VAMP7: variants seen among roughly 807,000 people sequenced by gnomAD.
The protein encoded by VAMP7 is vesicle associated membrane protein 7.
A neutral mutation model predicts 29.6 loss-of-function variants in VAMP7; 14 were observed. That is an observed-to-expected ratio of 0.47 (90% CI 0.31 to 0.74). VAMP7 has a LOEUF of 0.74. Ranked by LOEUF, VAMP7 falls within the 30% of genes least tolerant of loss-of-function variation. The pLI is 0.05. For missense variants in VAMP7, 223 were observed against 262.4 expected (o/e 0.85, Z 1.04); for synonymous variants, 95 against 88.1 (o/e 1.08, Z -0.44).
Position 155,898,205 on chromosome X carries a change from T to C in VAMP7, c.298T>C (p.Tyr100His). The change falls in exon 4 of 8, where the codon TAT (tyrosine) becomes CAT (histidine). Residue 100 changes from tyrosine to histidine, a missense_variant. By Grantham distance (83) the Tyr-to-His change is moderately conservative. Transcript: ENST00000286448. Reference protein sequence around the residue: ...YGSRAQTALPYAMNSEFSSVL... With the variant: ...YGSRAQTALPHAMNSEFSSVL... ...TTCAAGAGCACAGACAGCACTTCCATATGCCATGAATAGCGAGTTCTCAAG... is the reference window on the plus strand; with the variant it reads ...TTCAAGAGCACAGACAGCACTTCCACATGCCATGAATAGCGAGTTCTCAAG... 6.2e-7 allele frequency: 1 copy of C among 1,613,662 alleles called. No homozygotes were observed. Among genetic ancestry groups the C allele is most frequent in the Non-Finnish European group, 8.5e-7 (1 of 1,179,654 alleles).
chrX:155,926,556 T>G (rs768058615), intron 6 of VAMP7, among the ~76,000 whole-genome samples: 30 of 152,350 alleles, frequency 2.0e-4, no homozygotes, highest in African/African-American at 7.2e-4. Context: ...ATGTTATAGC[T>G]GGTTTAATCT....
At chrX:155,903,973 A>T (rs1180936088) in intron 5 of VAMP7, among the ~76,000 whole-genome samples, 1 of 152,004 alleles carries the variant, frequency 6.6e-6, no homozygotes, top group African/African-American at 2.4e-5. Flanking sequence ...CAACAATGAT[A>T]GACTGGATTA....
At chrX:155,924,069 G>C (rs1363801064) in intron 6 of VAMP7, among the ~76,000 whole-genome samples, 1 of 152,102 alleles carries the variant, frequency 6.6e-6, no homozygotes, top group Non-Finnish European at 1.5e-5. Context: ...GATAGAGTTA[G>C]GTGTAGGTAT....
chrX:155,914,275 G>A (rs1310651406), intron 5 of VAMP7, among the ~76,000 whole-genome samples: 2 of 152,124 alleles, frequency 1.3e-5, no homozygotes, highest in Non-Finnish European at 2.9e-5. Context: ...AGACAATGGG[G>A]TTTTCTAAAT....
intron 6 of VAMP7, among the ~76,000 whole-genome samples, chrX:155,925,646 G>A (rs989792668): frequency 3.3e-5 from 5 of 152,192 alleles, no homozygotes; most frequent in African/African-American, 7.2e-5. Flanking sequence ...AAGCAAAGGC[G>A]GGAAGGCTCG....
chrX:155,913,626 G>A (rs1276148775), intron 5 of VAMP7, among the ~76,000 whole-genome samples: 3 of 152,126 alleles, frequency 2.0e-5, no homozygotes, highest in Non-Finnish European at 2.9e-5. Context: ...TTATTAAATA[G>A]GGAATCCTTT....
Position 155,928,366 on chromosome X carries a change from G to A in VAMP7, c.501+8486G>A, listed in dbSNP as rs993871768. ...AAAAATTTATTTTCTCCCACTACTG[G>A]ATTTCAGAAGTTCAAAATCAGTTTA... On this transcript the variant is annotated intron_variant, in intron 6 of 7. Coordinates refer to ENST00000286448, the MANE Select transcript of VAMP7 (RefSeq NM_005638.6). Among the ~76,000 whole-genome samples, 84 of 152,254 alleles carry A rather than the reference G, an allele frequency of 5.5e-4. No homozygotes were observed. In the Middle Eastern group the frequency reaches 0.031, roughly 55 times the overall value.
intron 7 of VAMP7, among the ~76,000 whole-genome samples, chrX:155,940,518 C>A (rs1300924529): frequency 6.6e-6 from 1 of 152,182 alleles, no homozygotes; most frequent in Non-Finnish European, 1.5e-5. Context: ...TCTAATATCA[C>A]ATTTTAGGCT....
intron 6 of VAMP7, among the ~76,000 whole-genome samples, chrX:155,921,233 A>T (rs1569446749): frequency 6.6e-6 from 1 of 152,176 alleles, no homozygotes; most frequent in African/African-American, 2.4e-5. Flanking sequence ...ACTAACAGGT[A>T]TCTCTCTTTA....
chrX:155,906,040 T>G (rs1324013656), intron 5 of VAMP7, among the ~76,000 whole-genome samples: 1 of 254 alleles, frequency 3.9e-3, no homozygotes, highest in Non-Finnish European at 7.8e-3. Context: ...TTCTATTCAT[T>G]TAGGTTTCTT....
intron 1 of VAMP7, among the ~76,000 whole-genome samples, chrX:155,881,787 A>G (rs1195408565): frequency 1.3e-5 from 2 of 152,022 alleles, no homozygotes; most frequent in African/African-American, 4.8e-5. Context: ...AAAACTCTCT[A>G]CGTCCTTGTT....
At chrX:155,893,119 G>A (rs986815042) in intron 2 of VAMP7, among the ~76,000 whole-genome samples, 5 of 152,156 alleles carry the variant, frequency 3.3e-5, no homozygotes, top group Non-Finnish European at 7.3e-5. Flanking sequence ...CTTGATGGCA[G>A]GGATCATACC....
intron 5 of VAMP7, among the ~76,000 whole-genome samples, chrX:155,916,434 T>C (rs1174368165): frequency 2.0e-5 from 3 of 152,170 alleles, no homozygotes; most frequent in Admixed American, 1.3e-4. Context: ...TTAGTCGATA[T>C]AGTTTCTTCA....
rs752608053 is a variant in VAMP7 at position 155,917,189 on chromosome X, C to T, written c.434-2624C>T. On this transcript the variant is annotated intron_variant, in intron 5 of 7. Coordinates refer to ENST00000286448, the MANE Select transcript of VAMP7 (RefSeq NM_005638.6). ...TGTATGCTTCACAAAGTTCTCGTGCCGTGTTTTTCAGTCCCATCAGGTCAT... is the reference window on the plus strand; with the variant it reads ...TGTATGCTTCACAAAGTTCTCGTGCTGTGTTTTTCAGTCCCATCAGGTCAT... 4.6e-5 allele frequency among the ~76,000 whole-genome samples: 7 copies of T among 152,192 alleles called. No individual in the cohort carries two copies. The South Asian group carries it at 6.2e-4, about 14-fold the overall frequency.
intron 1 of VAMP7, among the ~76,000 whole-genome samples, chrX:155,882,633 T>TG (rs1245963842): frequency 6.6e-6 from 1 of 152,046 alleles, no homozygotes; most frequent in Non-Finnish European, 1.5e-5. Flanking sequence ...GAGAGAAGAG[T>TG]GGGGGATTGG....
At position 155,904,524 on chromosome X, in the gene VAMP7, A is replaced by G. The variant is rs1181234358; in HGVS notation, c.433+3937A>G. Among the ~76,000 whole-genome samples the G allele has an allele frequency of 3.3e-5, 5 of 152,210 alleles. No homozygotes were observed. In the East Asian group the frequency reaches 9.7e-4, roughly 29 times the overall value. On this transcript the variant is annotated intron_variant, in intron 5 of 7. Coordinates refer to ENST00000286448, the MANE Select transcript of VAMP7 (RefSeq NM_005638.6). ...ACTATATTCACAGAATTGTACAACC[A>G]TTGCTGCGATCAATTTTGTAACATT...
intron 6 of VAMP7, among the ~76,000 whole-genome samples, chrX:155,936,944 T>G (rs1035618376): frequency 1.3e-5 from 2 of 152,086 alleles, no homozygotes; most frequent in African/African-American, 4.8e-5. Flanking sequence ...TTATAAAACA[T>G]TGATGAAAGA....
intron 7 of VAMP7, among the ~76,000 whole-genome samples, 158 bp downstream of exon 7, chrX:155,939,951 A>G (rs753989280): frequency 1.6e-4 from 24 of 152,194 alleles, no homozygotes; most frequent in African/African-American, 4.6e-4. Flanking sequence ...TGAAGTCACT[A>G]TGAAATATCT....
At chrX:155,929,193 G>A (rs1420215225) in intron 6 of VAMP7, among the ~76,000 whole-genome samples, 1 of 152,028 alleles carries the variant, frequency 6.6e-6, no homozygotes, top group African/African-American at 2.4e-5. Context: ...TTTTTTATTT[G>A]GGCCAAGTTT....
Sources: allele counts gnomAD v4.1 joint callset (sites outside exome capture counted in the v4.1 genomes callset), GRCh38; gene constraint gnomAD v4.1.1; transcripts MANE v1.5; gene names NCBI Gene and HGNC (gene_info 2026-07-23, HGNC 2026-07-21).